The following PDIA6 variants were observed in gnomAD, a reference collection of about 807,000 sequenced individuals.
The protein encoded by PDIA6 is protein disulfide isomerase family A member 6, also known as protein disulfide-isomerase A6.
PDIA6 carries 29 observed loss-of-function variants against 58.4 expected under a neutral mutation model. That is an observed-to-expected ratio of 0.50 (90% confidence interval 0.37 to 0.68). PDIA6 has a LOEUF of 0.68. Among genes scored for constraint, PDIA6 ranks in the 30% least tolerant of loss-of-function variants. The probability of loss-of-function intolerance (pLI) is 0.00; values close to 1 mark genes in which losing one functional copy is unlikely to be tolerated. For missense variants in PDIA6, 480 were observed against 551.0 expected (o/e 0.87, Z 1.29); for synonymous variants, 192 against 202.6 (o/e 0.95, Z 0.44).
intron 1 of PDIA6, among the ~76,000 whole-genome samples, chr2:10,824,870 TAG>T (rs1224117868): frequency 1.3e-5 from 2 of 152,196 alleles, no homozygotes; most frequent in Non-Finnish European, 2.9e-5. Context: ...ATGGTTAATA[TAG>T]AGTGTCAACT....
At position 10,802,538 on chromosome 2, in the gene PDIA6, T is replaced by G; in HGVS notation, c.122A>C (p.Gln41Pro). ...TTCTACAAGCCACAAACTATCACTCTGAATAACTTCTCGGTTGAAATTCGA... is the reference window on the plus strand; with the variant it reads ...TTCTACAAGCCACAAACTATCACTCGGAATAACTTCTCGGTTGAAATTCGA... ...TPSNFNREVI[Q>P]SDSLWLVEFY... is the part of the protein sequence containing the mutation. Residue 41 changes from glutamine (Q) to proline (P), a missense_variant, in exon 2 of 13, where the codon CAG becomes CCG. Coordinates refer to ENST00000272227, the MANE Select transcript of PDIA6 (RefSeq NM_005742.4). The G allele has an allele frequency of 2.0e-6, 3 of 1,478,522 alleles. No individual in the cohort carries two copies. Among genetic ancestry groups the G allele is most frequent in the Non-Finnish European group, 2.7e-6 (3 of 1,111,708 alleles). The allele number at this position is 1,478,522 out of a possible 1,614,324, so 91.6% of individuals were successfully genotyped here.
rs748432960 is a variant in PDIA6 at position 10,793,192 on chromosome 2, A to G, written c.357T>C (p.Thr119=). Reference sequence around the variant, plus strand: ...GCGCAGCATCTACAATGGCTTCACCAGTTCTGCCACCTACAGGAGACGGAA... The same window carrying G: ...GCGCAGCATCTACAATGGCTTCACCGGTTCTGCCACCTACAGGAGACGGAA... ...NRPEDYQGGR[T]GEAIVDAALS... Residue 119 remains threonine, a synonymous_variant, in exon 5 of 13, where the codon ACT becomes ACC. Transcript: ENST00000272227. 1 of 1,612,828 alleles carries G rather than the reference A, an allele frequency of 6.2e-7. No homozygotes were observed. The highest frequency in any genetic ancestry group is 8.5e-7 in the Non-Finnish European group (1 of 1,179,392).
At chr2:10,806,757 T>C (rs1666784390) in intron 1 of PDIA6, among the ~76,000 whole-genome samples, 1 of 152,062 alleles carries the variant, frequency 6.6e-6, no homozygotes. Flanking sequence ...ACAGGTGTAC[T>C]ATTTTAATCT....
rs140301620 is a variant in PDIA6, at chr2:10,826,420, C to T, written c.-48+5782G>A. On this transcript the variant is annotated intron_variant, in intron 1 of 13. Coordinates refer to the PDIA6 transcript ENST00000381611. ...TGTTGCCTAGGCTGGAGTGCAATGG[C>T]GCAGTCTTGGCTCACTGCAACTTCT... Among the ~76,000 whole-genome samples, 459 of 152,084 alleles carry T rather than the reference C, an allele frequency of 3.0e-3. 1 individual carries two copies. Among genetic ancestry groups the T allele is most frequent in the African/African-American group, 0.011 (440 of 41,474 alleles).
chr2:10,813,522 C>T (rs984258176), upstream of PDIA6, among the ~76,000 whole-genome samples: 18 of 152,236 alleles, frequency 1.2e-4, no homozygotes, highest in African/African-American at 4.3e-4. Context: ...CGAGCAGTGG[C>T]ATGATACAGT....
rs770752781 is a variant in PDIA6 at position 10,790,690 on chromosome 2, A to G, written c.699+29T>C. 4 of 1,481,264 alleles carry G rather than the reference A, an allele frequency of 2.7e-6. No individual in the cohort carries two copies. In the Admixed American group the frequency reaches 5.0e-5, roughly 19 times the overall value. The allele number at this position is 1,481,264 out of a possible 1,614,324, so 91.8% of individuals were successfully genotyped here. On this transcript the variant is annotated intron_variant, in intron 7 of 12. Transcript: ENST00000272227. ...AGTAACGAAACACCATGTATTTCAC[A>G]ATGAAATGAGCCTTATAAGTATACT...
intron 4 of PDIA6, 120 bp from the exon 5 acceptor site, chr2:10,793,322 A>G (rs966942800): frequency 1.8e-5 from 12 of 663,564 alleles, no homozygotes; most frequent in Non-Finnish European, 3.3e-5. Context: ...CACAGTTCTG[A>G]CACGTGTATC....
chr2:10,791,640 C>T (rs1183663583), intron 6 of PDIA6, among the ~76,000 whole-genome samples, 155 bp downstream of exon 6: 1 of 152,148 alleles, frequency 6.6e-6, no homozygotes, highest in Non-Finnish European at 1.5e-5. Flanking sequence ...AAGCTCTTGG[C>T]GCTAATGTCA....
chr2:10,824,986 C>T (rs1285177055), intron 1 of PDIA6, among the ~76,000 whole-genome samples: 1 of 152,132 alleles, frequency 6.6e-6, no homozygotes, highest in Non-Finnish European at 1.5e-5. Flanking sequence ...GGCAGACCCA[C>T]CCTTAATCTG....
At chr2:10,810,409 G>T (rs1666954293) in intron 1 of PDIA6, 1 of 1,447,882 alleles carries the variant, frequency 6.9e-7, no homozygotes, top group Non-Finnish European at 9.0e-7. Context: ...TCTTCATGCT[G>T]TTACAAGCAG....
intron 1 of PDIA6, among the ~76,000 whole-genome samples, chr2:10,823,925 T>G (rs1667474802): frequency 6.6e-6 from 1 of 151,672 alleles, no homozygotes; most frequent in South Asian, 2.1e-4. Flanking sequence ...CCTCCTTTTC[T>G]CAATTCGGGA....
At chr2:10,809,305 G>A (rs745418218) in intron 1 of PDIA6, among the ~76,000 whole-genome samples, 4 of 152,168 alleles carry the variant, frequency 2.6e-5, no homozygotes, top group African/African-American at 9.7e-5. Flanking sequence ...AAAAGGTGAA[G>A]TAGAGTTTGA....
At chr2:10,798,134 G>A (rs1183037711) in intron 2 of PDIA6, among the ~76,000 whole-genome samples, 2 of 152,130 alleles carry the variant, frequency 1.3e-5, no homozygotes, top group Non-Finnish European at 2.9e-5. Context: ...TGCAAGAGCT[G>A]AGATCATGCC....
chr2:10,836,683 A>G (rs1298863866), upstream of PDIA6, among the ~76,000 whole-genome samples: 2 of 152,042 alleles, frequency 1.3e-5, no homozygotes, highest in African/African-American at 4.8e-5. Context: ...CAGTCACCTC[A>G]AAAAGAAACC....
At chr2:10,794,300 G>T (rs1666167277) in intron 4 of PDIA6, among the ~76,000 whole-genome samples, 4 of 151,830 alleles carry the variant, frequency 2.6e-5, no homozygotes, top group Admixed American at 2.6e-4. Flanking sequence ...ACAAAAATTA[G>T]CTGGGCGTGG....
chr2:10,798,962 G>A lies in PDIA6; in HGVS notation c.162-1205C>T, dbSNP rs749974431. Among the ~76,000 whole-genome samples the A allele has an allele frequency of 5.9e-5, 9 of 152,116 alleles. No homozygotes were observed. The East Asian group carries it at 1.5e-3, about 26-fold the overall frequency. ...CCCACGTTAGTGAGCCTAACAAGCC[G>A]AAAAGCATGACGTGACACCACAAGA... is the stretch of plus-strand genomic sequence containing the variant. On this transcript the variant is annotated intron_variant, in intron 2 of 12. Transcript: ENST00000272227.
At chr2:10,816,573 C>T (rs1667203902), upstream of PDIA6, among the ~76,000 whole-genome samples, 1 of 148,266 alleles carries the variant, frequency 6.7e-6, no homozygotes, top group South Asian at 2.1e-4. Flanking sequence ...ACAATTCCAC[C>T]TCCCCACTTT....
intron 2 of PDIA6, among the ~76,000 whole-genome samples, chr2:10,801,488 G>A (rs1465743350): frequency 6.6e-6 from 1 of 152,138 alleles, no homozygotes; most frequent in Non-Finnish European, 1.5e-5. Flanking sequence ...ATACAGAGAC[G>A]TTTAACAATA....
At chr2:10,788,575 A>AAG in intron 10 of PDIA6, 122 bp downstream of exon 10, 1 of 722,912 alleles carries the variant, frequency 1.4e-6, no homozygotes, top group Non-Finnish European at 2.4e-6. Context: ...AGGGAAAAAA[A>AAG]AAAAAAACAT....
Sources: allele counts gnomAD v4.1 joint callset (sites outside exome capture counted in the v4.1 genomes callset), GRCh38; gene constraint gnomAD v4.1.1; transcripts MANE v1.5; gene names NCBI Gene and HGNC (gene_info 2026-07-23, HGNC 2026-07-21).